SLC2A5: variants seen among roughly 807,000 people sequenced by gnomAD.
SLC2A5 encodes solute carrier family 2 member 5.
In SLC2A5, 56 loss-of-function variants were observed where a neutral mutation model predicts 50.3. That is an observed-to-expected ratio of 1.11 (90% CI 0.90 to 1.39). The LOEUF is 1.39. Ranked by LOEUF, SLC2A5 falls within the 40% of genes most tolerant of loss-of-function variation. SLC2A5 has a pLI of 0.00. For synonymous variants in SLC2A5, 269 were observed against 281.9 expected (o/e 0.95, Z 0.46); for missense variants, 566 against 650.1 (o/e 0.87, Z 1.41).
chr1:9,039,242 A>C (rs899344540), intron 8 of SLC2A5, among the ~76,000 whole-genome samples: 3 of 152,216 alleles, frequency 2.0e-5, no homozygotes, highest in Admixed American at 2.0e-4. Context: ...GCCCCCACGG[A>C]GCCTGCTCCC....
chr1:9,042,934 T>G (rs1308399783), intron 4 of SLC2A5, among the ~76,000 whole-genome samples: 1 of 152,196 alleles, frequency 6.6e-6, no homozygotes, highest in African/African-American at 2.4e-5. Flanking sequence ...TTTAAACTTG[T>G]AAATATTCCC....
At chr1:9,052,154 T>C (rs1430813806) in intron 3 of SLC2A5, among the ~76,000 whole-genome samples, 9 of 152,040 alleles carry the variant, frequency 5.9e-5, no homozygotes, top group Admixed American at 5.9e-4. Flanking sequence ...TGTGGTGGCG[T>C]GCACCTGTAG....
chr1:9,053,220 A>G (rs1173102636), intron 3 of SLC2A5, among the ~76,000 whole-genome samples: 1 of 71,402 alleles, frequency 1.4e-5, no homozygotes, highest in African/African-American at 6.2e-5. Flanking sequence ...TATATATTAT[A>G]TATTTATATT....
intron 4 of SLC2A5, among the ~76,000 whole-genome samples, chr1:9,044,127 G>A (rs1031287189): frequency 8.6e-5 from 13 of 151,094 alleles, no homozygotes; most frequent in African/African-American, 3.1e-4. Flanking sequence ...CCAGGAGTTC[G>A]AGACCAGCCT....
At chr1:9,048,085 A>G (rs1476254689) in intron 3 of SLC2A5, among the ~76,000 whole-genome samples, 1 of 152,254 alleles carries the variant, frequency 6.6e-6, no homozygotes, top group Non-Finnish European at 1.5e-5. Flanking sequence ...GGGTAAGGAC[A>G]TTAGAGGAAA....
At chr1:9,039,740 G>A in intron 7 of SLC2A5, 60 bp downstream of exon 7, 1 of 1,436,768 alleles carries the variant, frequency 7.0e-7, no homozygotes. Flanking sequence ...GGCGCCCCAG[G>A]ACCTGCGCCC....
intron 10 of SLC2A5, 49 bp downstream of exon 10, chr1:9,038,382 T>G: frequency 7.2e-7 from 1 of 1,389,478 alleles, no homozygotes; most frequent in Non-Finnish European, 1.0e-6. Context: ...CCGGAGCTTC[T>G]GGGACCAGGG....
intron 1 of SLC2A5, among the ~76,000 whole-genome samples, chr1:9,067,472 T>C (rs1363419004): frequency 1.3e-5 from 2 of 152,214 alleles, no homozygotes; most frequent in Non-Finnish European, 2.9e-5. Context: ...TTTCTGCAGC[T>C]GGACTTGGTG....
intron 2 of SLC2A5, among the ~76,000 whole-genome samples, chr1:9,077,436 AC>A (rs1642298148): frequency 7.1e-6 from 1 of 140,710 alleles, no homozygotes; most frequent in Non-Finnish European, 1.5e-5. Context: ...ACACAAAAAA[AC>A]AAAAAAAAAA....
upstream of SLC2A5, among the ~76,000 whole-genome samples, chr1:9,073,793 A>G (rs1569916693): frequency 6.6e-6 from 1 of 152,190 alleles, no homozygotes; most frequent in Non-Finnish European, 1.5e-5. Flanking sequence ...CAGATGGTAA[A>G]CAAGAGAATG....
chr1:9,037,860 G>A, intron 11 of SLC2A5, 37 bp downstream of exon 11: 2 of 1,613,840 alleles, frequency 1.2e-6, no homozygotes, highest in Non-Finnish European at 1.7e-6. Flanking sequence ...ACTGCATGGG[G>A]ATCTGGTGGT....
In SLC2A5 at chr1:9,041,880, C is replaced by T. The variant is rs61737428; in HGVS notation, c.476G>A (p.Arg159Gln). Residue 159 changes from arginine to glutamine, a missense_variant, in exon 5 of 12, where the codon CGG becomes CAG. Physicochemically the swap from Arg to Gln is conservative, Grantham distance 43. Coordinates refer to ENST00000377424, the MANE Select transcript of SLC2A5 (RefSeq NM_003039.3). ...CTGGGGCACCACCCCGAGAGCCCCCCGCAGGTTTTTAGGGGCCAGCTCCCC... is the reference window on the plus strand; with the variant it reads ...CTGGGGCACCACCCCGAGAGCCCCCTGCAGGTTTTTAGGGGCCAGCTCCCC... ...YLGELAPKNL[R>Q]GALGVVPQLF... 24 of 1,613,790 alleles carry T rather than the reference C, an allele frequency of 1.5e-5. No homozygotes were observed. Among genetic ancestry groups the T allele is most frequent in the East Asian group, 6.7e-5 (3 of 44,888 alleles).
At chr1:9,093,562 CA>C in the SLC2A5 span, among the ~76,000 whole-genome samples, 1 of 152,186 alleles carries the variant, frequency 6.6e-6, no homozygotes, top group African/African-American at 2.4e-5. Context: ...ATCAGCTCCT[CA>C]CTATTCTATG....
chr1:9,068,925 C>G (rs1219540273), intron 1 of SLC2A5, among the ~76,000 whole-genome samples: 1 of 152,132 alleles, frequency 6.6e-6, no homozygotes, highest in Non-Finnish European at 1.5e-5. Context: ...ATGCATTTTC[C>G]TCAATCAAGG....
At chr1:9,053,342 TA>T (rs1641653265) in intron 3 of SLC2A5, among the ~76,000 whole-genome samples, 3 of 56,210 alleles carry the variant, frequency 5.3e-5, no homozygotes, top group African/African-American at 2.0e-4. Flanking sequence ...ATTTATATAC[TA>T]TATATATTTA....
At chr1:9,046,101 C>T (rs964891861) in intron 4 of SLC2A5, among the ~76,000 whole-genome samples, 8 of 152,056 alleles carry the variant, frequency 5.3e-5, no homozygotes, top group Non-Finnish European at 1.0e-4. Flanking sequence ...CCTATCCCTG[C>T]GTTTGGAAGG....
chr1:9,037,405 T>A lies in SLC2A5; in HGVS notation c.*181A>T, dbSNP rs1641159683. The A allele has an allele frequency of 1.7e-6, 1 of 594,012 alleles. No homozygotes were observed. 36.8% of individuals were successfully genotyped at this position (594,012 alleles called of 1,614,324 possible). Reference sequence around the variant, plus strand: ...CAACATGGAGAGAGACAGCCCAGCTTCAAGAACAGCAAGGCAGCCCTTTGC... The same window carrying A: ...CAACATGGAGAGAGACAGCCCAGCTACAAGAACAGCAAGGCAGCCCTTTGC... On this transcript the variant is annotated 3_prime_UTR_variant, in exon 12 of 12. Transcript: ENST00000377424.
rs756605390 is a variant in SLC2A5 at position 9,039,558 on chromosome 1, G to T, written c.990C>A (p.Phe330Leu). The T allele has an allele frequency of 9.6e-6, 15 of 1,570,068 alleles. No homozygotes were observed. Among genetic ancestry groups the T allele is most frequent in the South Asian group, 1.2e-5 (1 of 85,502 alleles). ...GTGAVNVVMTFCAVFVVELLG... is the reference protein window; with the variant it reads ...GTGAVNVVMTLCAVFVVELLG... ...CAGCTCCCAGGACACTCACGGCGCA[G>T]AAGGTCATGACCACGTTCACGGCCC... Residue 330 changes from phenylalanine (F) to leucine (L), a missense_variant, in exon 8 of 12, where the codon TTC (phenylalanine) becomes TTA (leucine). Coordinates refer to ENST00000377424, the MANE Select transcript of SLC2A5 (RefSeq NM_003039.3).
upstream of SLC2A5, among the ~76,000 whole-genome samples, chr1:9,093,395 C>A (rs1642480936): frequency 6.6e-6 from 1 of 152,160 alleles, no homozygotes; most frequent in Non-Finnish European, 1.5e-5. Context: ...TCCACAGGAC[C>A]AACTTCCCTT....
Sources: allele counts gnomAD v4.1 joint callset (sites outside exome capture counted in the v4.1 genomes callset), GRCh38; gene constraint gnomAD v4.1.1; transcripts MANE v1.5; gene names NCBI Gene and HGNC (gene_info 2026-07-23, HGNC 2026-07-21).